Variants in TXNDC11 observed in about 807,000 individuals in gnomAD.
The protein encoded by TXNDC11 is thioredoxin domain containing 11, also known as thioredoxin domain-containing protein 11.
In TXNDC11, 68 loss-of-function variants were observed where a neutral mutation model predicts 78.0. The ratio of observed to expected loss-of-function variants is 0.87; its 90% CI spans 0.72 to 1.07. TXNDC11 has a LOEUF of 1.07. Ranked by LOEUF, TXNDC11 falls within the 50% of genes least tolerant of loss-of-function variation. TXNDC11 has a pLI of 0.00. For missense variants in TXNDC11, 1,389 were observed against 1,221.8 expected, an observed-to-expected ratio of 1.14 and a Z score of -2.04; for synonymous variants, 571 against 495.2, an observed-to-expected ratio of 1.15 and a Z score of -2.03.
intron 9 of TXNDC11, 86 bp from the exon 10 acceptor site, chr16:11,688,052 C>CT: frequency 8.8e-7 from 1 of 1,140,992 alleles, no homozygotes; most frequent in South Asian, 1.3e-5. Flanking sequence ...ATCCAGCAAG[C>CT]ACCCGAAAAA....
At chr16:11,707,239 C>G (rs753917002) in intron 5 of TXNDC11, among the ~76,000 whole-genome samples, 54 of 151,834 alleles carry the variant, frequency 3.6e-4, no homozygotes, top group Admixed American at 6.6e-4. Context: ...CCAGCCTGGC[C>G]AACCTGGTGA....
At chr16:11,687,212 C>G (rs892047616) in intron 10 of TXNDC11, among the ~76,000 whole-genome samples, 6 of 152,132 alleles carry the variant, frequency 3.9e-5, no homozygotes, top group African/African-American at 1.4e-4. Context: ...CCAGAGGAAT[C>G]AGCAAATCCT....
chr16:11,697,520 A>G (rs2050890973), intron 7 of TXNDC11, among the ~76,000 whole-genome samples: 2 of 152,222 alleles, frequency 1.3e-5, no homozygotes, highest in Admixed American at 6.5e-5. Context: ...CCGTGTGGAA[A>G]ATAAACTCAC....
intron 5 of TXNDC11, among the ~76,000 whole-genome samples, chr16:11,708,282 G>C (rs2051241559): frequency 6.6e-6 from 1 of 152,118 alleles, no homozygotes; most frequent in Admixed American, 6.5e-5. Flanking sequence ...ATGAGACAAT[G>C]TTTCTTGAAT....
chr16:11,687,967 C>A lies in TXNDC11; in HGVS notation c.2044-1G>T. 6.2e-7 allele frequency: 1 copy of A among 1,608,494 alleles called. No individual in the cohort carries two copies. Among genetic ancestry groups the A allele is most frequent in the South Asian group, 1.1e-5 (1 of 90,802 alleles). ...GAGCGTAATAGAGCAGGAGAACGTC[C>A]TGTGGGAAAGGGAAGACAGATGTTA... On this transcript the variant is annotated splice_acceptor_variant, in intron 9 of 11. Transcript: ENST00000283033. LOFTEE classifies it high-confidence loss of function.
At chr16:11,699,810 T>C (rs2050961071) in intron 6 of TXNDC11, among the ~76,000 whole-genome samples, 1 of 152,218 alleles carries the variant, frequency 6.6e-6, no homozygotes, top group Admixed American at 6.5e-5. Flanking sequence ...GACAGAATAC[T>C]TCAGGAAAGT....
chr16:11,681,829 A>ACCC (rs1054143814), intron 11 of TXNDC11, among the ~76,000 whole-genome samples: 6 of 151,966 alleles, frequency 3.9e-5, no homozygotes, highest in African/African-American at 1.5e-4. Flanking sequence ...TCAAGGCCCC[A>ACCC]CCCCTTCCTC....
chr16:11,696,959 CTTCCTTTCCTACAATG>C (rs2050876306), intron 7 of TXNDC11, among the ~76,000 whole-genome samples: 1 of 152,194 alleles, frequency 6.6e-6, no homozygotes. Context: ...GACCGAAAAC[CTTCCTTTCCTACAATG>C]AGCTTTAAGG....
chr16:11,691,997 G>A lies in TXNDC11; in HGVS notation c.1193C>T (p.Ala398Val). Reference sequence around the variant, plus strand: ...CAGGGCCAGGGACTCCAGCACTGGAGCATCCACCCGCCGCAGGTGCTGAAG... The same window carrying A: ...CAGGGCCAGGGACTCCAGCACTGGAACATCCACCCGCCGCAGGTGCTGAAG... ...RLLQHLRRVD[A>V]PVLESLALEV... The change falls in exon 8 of 12, where the codon GCT (alanine) becomes GTT (valine). Residue 398 changes from alanine (A) to valine (V), a missense_variant. Ala to Val is a moderately conservative substitution (Grantham distance 64, BLOSUM62 0). Transcript: ENST00000283033. 2 of 1,575,848 alleles carry A rather than the reference G, an allele frequency of 1.3e-6. No individual in the cohort carries two copies. The highest frequency in any genetic ancestry group is 1.7e-6 in the Non-Finnish European group (2 of 1,159,612).
intron 5 of TXNDC11, among the ~76,000 whole-genome samples, chr16:11,709,095 T>C (rs1349338242): frequency 6.6e-6 from 1 of 152,174 alleles, no homozygotes; most frequent in South Asian, 2.1e-4. Flanking sequence ...TACTTGCATT[T>C]TCCCCCTAGA....
At chr16:11,699,747 C>G (rs1333455409) in intron 6 of TXNDC11, among the ~76,000 whole-genome samples, 3 of 152,138 alleles carry the variant, frequency 2.0e-5, no homozygotes, top group African/African-American at 4.8e-5. Context: ...ACACTGGGTG[C>G]AGGGAAATTG....
chr16:11,717,799 C>T (rs895440233), intron 5 of TXNDC11, among the ~76,000 whole-genome samples: 4 of 150,804 alleles, frequency 2.7e-5, no homozygotes, highest in Non-Finnish European at 5.9e-5. Context: ...CCAGCCTGAA[C>T]GACAGAGAGA....
At chr16:11,710,725 G>C (rs1332800795) in intron 5 of TXNDC11, among the ~76,000 whole-genome samples, 1 of 152,202 alleles carries the variant, frequency 6.6e-6, no homozygotes, top group African/African-American at 2.4e-5. Context: ...CCTGCAGGAA[G>C]ATCACCTGAG....
intron 4 of TXNDC11, among the ~76,000 whole-genome samples, chr16:11,722,062 G>A (rs1277064771): frequency 3.9e-5 from 6 of 152,144 alleles, no homozygotes; most frequent in East Asian, 1.9e-4. Flanking sequence ...ACAAGCAATG[G>A]CAATAATTTT....
intron 1 of TXNDC11, among the ~76,000 whole-genome samples, chr16:11,738,014 T>C (rs1231603699): frequency 6.6e-6 from 1 of 152,004 alleles, no homozygotes; most frequent in Non-Finnish European, 1.5e-5. Context: ...ACTATGTAAA[T>C]AGTGAGCATA....
At chr16:11,685,678 AC>A in intron 10 of TXNDC11, among the ~76,000 whole-genome samples, 1 of 152,140 alleles carries the variant, frequency 6.6e-6, no homozygotes, top group East Asian at 1.9e-4. Flanking sequence ...AAAAACAACA[AC>A]AGCAACAAAA....
At chr16:11,710,385 C>T (rs1306813819) in intron 5 of TXNDC11, among the ~76,000 whole-genome samples, 1 of 152,100 alleles carries the variant, frequency 6.6e-6, no homozygotes, top group East Asian at 1.9e-4. Flanking sequence ...AAAAAACATC[C>T]TTAGCTCCCA....
chr16:11,704,086 C>T (rs1193566216), intron 5 of TXNDC11, among the ~76,000 whole-genome samples: 1 of 152,016 alleles, frequency 6.6e-6, no homozygotes. Flanking sequence ...GAGTGAAACT[C>T]CGTCTCAAAA....
chr16:11,693,787 C>CT (rs2050782970), intron 7 of TXNDC11, among the ~76,000 whole-genome samples: 1 of 152,180 alleles, frequency 6.6e-6, no homozygotes, highest in Non-Finnish European at 1.5e-5. Context: ...GCATGCAGTA[C>CT]TAACAAGGTC....
Sources: gnomAD v4.1 joint callset for allele counts (sites outside exome capture counted in the v4.1 genomes callset) on GRCh38, gnomAD v4.1.1 for gene constraint, MANE v1.5 for transcripts, NCBI Gene and HGNC (gene_info 2026-07-23, HGNC 2026-07-21) for gene names.